The following SH3GL2 variants were observed in gnomAD, a reference collection of about 807,000 sequenced individuals.
SH3GL2 encodes the protein SH3 domain containing GRB2 like 2, endophilin A1, also known as endophilin-A1.
Under a neutral mutation model 46.0 loss-of-function variants are expected in SH3GL2, and 24 were observed. That is an observed-to-expected ratio of 0.52 (90% CI 0.38 to 0.73). SH3GL2 has a LOEUF of 0.73. Ranked by LOEUF, SH3GL2 falls within the 30% of genes least tolerant of loss-of-function variation. SH3GL2 has a pLI of 0.00. For missense variants in SH3GL2, 413 were observed against 424.2 expected, an observed-to-expected ratio of 0.97 and a Z score of 0.23; for synonymous variants, 196 against 147.1, an observed-to-expected ratio of 1.33 and a Z score of -2.40.
At chr9:17,621,616 A>C (rs1224538718) in intron 1 of SH3GL2, among the ~76,000 whole-genome samples, 1 of 152,196 alleles carries the variant, frequency 6.6e-6, no homozygotes, top group East Asian at 1.9e-4. Flanking sequence ...TAAAGTATTG[A>C]TGTCAGGATG....
intron 1 of SH3GL2, among the ~76,000 whole-genome samples, chr9:17,667,790 A>T (rs1820382811): frequency 6.6e-6 from 1 of 152,204 alleles, no homozygotes; most frequent in African/African-American, 2.4e-5. Context: ...GAGAGTTTCC[A>T]TTTCTCCACA....
At position 17,793,477 on chromosome 9, in the gene SH3GL2, C is replaced by A; in HGVS notation, c.839C>A (p.Thr280Lys). ...CAGCCCAATGGGGGTCTCTCCCACACAGGCACTCCCAAACCTTCAGGTAAG... is the reference window on the plus strand; with the variant it reads ...CAGCCCAATGGGGGTCTCTCCCACAAAGGCACTCCCAAACCTTCAGGTAAG... ...STQPNGGLSH[T>K]GTPKPSGVQM... is the part of the protein sequence containing the mutation. Residue 280 changes from threonine (T) to lysine (K), a missense_variant, in exon 8 of 9, where the codon ACA becomes AAA. Around this residue, in one of 3 missense-constraint regions of SH3GL2, gnomAD observed 248 missense variants for 215.0 expected, o/e 1.15. Coordinates refer to ENST00000380607, the MANE Select transcript of SH3GL2 (RefSeq NM_003026.5). 6.2e-7 allele frequency: 1 copy of A among 1,613,240 alleles called. No homozygotes were observed. Among genetic ancestry groups the A allele is most frequent in the Non-Finnish European group, 8.5e-7 (1 of 1,179,662 alleles).
At chr9:17,653,154 A>G (rs1819994963) in intron 1 of SH3GL2, among the ~76,000 whole-genome samples, 2 of 152,044 alleles carry the variant, frequency 1.3e-5, no homozygotes, top group South Asian at 2.1e-4. Context: ...TTTCATCATG[A>G]TTACTTTTCT....
intron 1 of SH3GL2, among the ~76,000 whole-genome samples, chr9:17,716,501 T>G (rs572914456): frequency 6.6e-6 from 1 of 152,254 alleles, no homozygotes; most frequent in South Asian, 2.1e-4. Context: ...AATTATAAGG[T>G]TTTCCAGTAT....
At chr9:17,732,753 A>G (rs546487916) in intron 1 of SH3GL2, among the ~76,000 whole-genome samples, 3 of 152,272 alleles carry the variant, frequency 2.0e-5, no homozygotes, top group Non-Finnish European at 2.9e-5. Context: ...ATTTTAATCA[A>G]TTCTTGTTCA....
chr9:17,750,378 G>C (rs568750114), intron 2 of SH3GL2, among the ~76,000 whole-genome samples: 4 of 152,176 alleles, frequency 2.6e-5, no homozygotes, highest in Non-Finnish European at 4.4e-5. Context: ...CTGGGAGAGA[G>C]AAGTGGGTTT....
At chr9:17,643,632 C>T (rs1432256465) in intron 1 of SH3GL2, among the ~76,000 whole-genome samples, 4 of 152,084 alleles carry the variant, frequency 2.6e-5, no homozygotes, top group South Asian at 2.1e-4. Flanking sequence ...TGATGGATTA[C>T]GCTTATTGAT....
intron 1 of SH3GL2, among the ~76,000 whole-genome samples, chr9:17,744,964 G>A (rs528378897): frequency 6.6e-6 from 1 of 152,318 alleles, no homozygotes; most frequent in African/African-American, 2.4e-5. Context: ...TGGAACTTCA[G>A]ACGGAGGCAT....
chr9:17,644,136 A>G (rs1455578801), intron 1 of SH3GL2, among the ~76,000 whole-genome samples: 2 of 152,108 alleles, frequency 1.3e-5, no homozygotes, highest in Non-Finnish European at 2.9e-5. Context: ...TGTTTATAGT[A>G]TTCTCTGATG....
intron 2 of SH3GL2, chr9:17,755,728 A>G (rs750996290): frequency 2.1e-6 from 2 of 968,444 alleles, no homozygotes; most frequent in Non-Finnish European, 2.5e-6. Flanking sequence ...TAATAGTATG[A>G]AATCATATCT....
intron 1 of SH3GL2, among the ~76,000 whole-genome samples, chr9:17,639,790 C>G (rs773261139): frequency 1.3e-5 from 2 of 151,954 alleles, no homozygotes; most frequent in Non-Finnish European, 2.9e-5. Flanking sequence ...TATGTAACAA[C>G]AAAAAGAATA....
At chr9:17,714,574 G>C (rs1199847583) in intron 1 of SH3GL2, among the ~76,000 whole-genome samples, 2 of 151,514 alleles carry the variant, frequency 1.3e-5, no homozygotes, top group African/African-American at 4.8e-5. Context: ...CTATAACATT[G>C]ATCTTTAACA....
Position 17,612,177 on chromosome 9 carries a change from T to G in SH3GL2, c.45+32890T>G, listed in dbSNP as rs1363922510. 3.3e-5 allele frequency among the ~76,000 whole-genome samples: 5 copies of G among 152,186 alleles called. No homozygotes were observed. In the East Asian group the frequency reaches 7.8e-4, roughly 24 times the overall value. On this transcript the variant is annotated intron_variant, in intron 1 of 8. Transcript: ENST00000380607. Reference sequence around the variant, plus strand: ...TTGCCTGTCTGTCCTCTCTCTCTAGTTCTGTGCACAGAAGGAACAGGAACA... The same window carrying G: ...TTGCCTGTCTGTCCTCTCTCTCTAGGTCTGTGCACAGAAGGAACAGGAACA...
chr9:17,590,797 A>G (rs941340611), intron 1 of SH3GL2: 9 of 152,312 alleles, frequency 5.9e-5, no homozygotes, highest in Admixed American at 1.3e-4. Context: ...TGTTTTTGAG[A>G]CAGGGTCTCA....
At chr9:17,594,708 A>G (rs1447975222) in intron 1 of SH3GL2, among the ~76,000 whole-genome samples, 2 of 149,130 alleles carry the variant, frequency 1.3e-5, no homozygotes, top group Non-Finnish European at 3.0e-5. Context: ...GCTCACTGCT[A>G]TACAGGCACC....
chr9:17,620,449 ATAC>A (rs747157084), intron 1 of SH3GL2, among the ~76,000 whole-genome samples: 11 of 152,318 alleles, frequency 7.2e-5, no homozygotes, highest in South Asian at 6.2e-4. Flanking sequence ...TATGAGGTAG[ATAC>A]TATTATTGTA....
chr9:17,746,371 C>T (rs146720609), intron 1 of SH3GL2, among the ~76,000 whole-genome samples: 2,004 of 152,242 alleles, frequency 0.013, 54 homozygotes, highest in African/African-American at 0.045. Flanking sequence ...TCACTGCGCC[C>T]GGCCCTAATT....
At chr9:17,687,196 C>T (rs189134701) in intron 1 of SH3GL2, among the ~76,000 whole-genome samples, 43 of 152,086 alleles carry the variant, frequency 2.8e-4, no homozygotes, top group Admixed American at 2.6e-3. Flanking sequence ...ATTTCATCAT[C>T]TAGAACCATT....
intron 2 of SH3GL2, among the ~76,000 whole-genome samples, chr9:17,750,565 C>A (rs1026068047): frequency 3.3e-5 from 5 of 152,056 alleles, no homozygotes; most frequent in African/African-American, 1.2e-4. Flanking sequence ...CTCCTAAGTG[C>A]CTTGCATGGA....
Sources: gnomAD v4.1 joint callset for allele counts (sites outside exome capture counted in the v4.1 genomes callset) on GRCh38, gnomAD v4.1.1 for gene constraint, gnomAD v4.1.1 regional missense constraint, MANE v1.5 for transcripts, NCBI Gene and HGNC (gene_info 2026-07-23, HGNC 2026-07-21) for gene names.